The following COL4A3 variants were observed in gnomAD, a reference collection of about 807,000 sequenced individuals.
COL4A3 encodes the protein collagen alpha-3(IV) chain.
COL4A3 carries 135 observed loss-of-function variants against 217.4 expected under a neutral mutation model. That is an observed-to-expected ratio of 0.62 (90% CI 0.54 to 0.72). COL4A3 has a LOEUF of 0.72. Ranked by LOEUF, COL4A3 falls within the 30% of genes least tolerant of loss-of-function variation. The pLI is 0.00. For missense variants in COL4A3, 1,868 were observed against 2,119.9 expected (o/e 0.88, Z 2.33); for synonymous variants, 690 against 736.3 (o/e 0.94, Z 1.02).
intron 43 of COL4A3, among the ~76,000 whole-genome samples, chr2:227,300,753 G>C (rs1305518896): frequency 6.6e-6 from 1 of 152,208 alleles, no homozygotes; most frequent in Non-Finnish European, 1.5e-5. Context: ...GCAGGGGGCT[G>C]TGGGGACACA....
intron 1 of COL4A3, among the ~76,000 whole-genome samples, chr2:227,202,157 G>T (rs72975975): frequency 6.6e-6 from 1 of 152,070 alleles, no homozygotes; most frequent in Non-Finnish European, 1.5e-5. Context: ...TTGATGTTTT[G>T]AATGTGTTGT....
chr2:227,237,761 C>T, intron 1 of COL4A3: 1 of 493,224 alleles, frequency 2.0e-6, no homozygotes, highest in Non-Finnish European at 3.8e-6. Flanking sequence ...CGACATTTCT[C>T]CCTTATGCAA....
chr2:227,310,743 G>C, intron 50 of COL4A3, 33 bp from the exon 51 acceptor site: 1 of 1,600,232 alleles, frequency 6.2e-7, no homozygotes, highest in Non-Finnish European at 8.6e-7. Context: ...CCAATGGACA[G>C]AGTGTTTATT....
At chr2:227,256,300 C>T in intron 16 of COL4A3, 43 bp from the exon 17 acceptor site, 4 of 1,580,366 alleles carry the variant, frequency 2.5e-6, no homozygotes, top group African/African-American at 1.3e-5. Context: ...AAGAAGTTGG[C>T]TCCTGTGTCT....
chr2:227,192,826 T>C (rs950722636), intron 1 of COL4A3, among the ~76,000 whole-genome samples: 1 of 152,206 alleles, frequency 6.6e-6, no homozygotes, highest in African/African-American at 2.4e-5. Flanking sequence ...TCAAACTTTC[T>C]ATAGTGAAGA....
intron 9 of COL4A3, among the ~76,000 whole-genome samples, 164 bp downstream of exon 9, chr2:227,248,684 T>A (rs1176408517): frequency 6.6e-6 from 1 of 152,184 alleles, no homozygotes; most frequent in East Asian, 1.9e-4. Flanking sequence ...ATGTCTGGCC[T>A]CATTTCATTC....
At chr2:227,295,396 A>G in intron 41 of COL4A3, 80 bp downstream of exon 41, 1 of 1,212,646 alleles carries the variant, frequency 8.2e-7, no homozygotes, top group Non-Finnish European at 1.2e-6. Context: ...AATATAAAGT[A>G]AGCTTAACCT....
In COL4A3 at chr2:227,211,040, G is replaced by A. The variant is rs553206757; in HGVS notation, c.88-26928G>A. The stretch of plus-strand genomic sequence containing the variant: ...GTTTGAGACAGAGTCTCACTCTGTC[G>A]CCCAGGCTGGAGTGCAGTGGTGCAA... On this transcript the variant is annotated intron_variant, in intron 1 of 51. Coordinates refer to ENST00000396578, the MANE Select transcript of COL4A3 (RefSeq NM_000091.5). Among the ~76,000 whole-genome samples the A allele has an allele frequency of 5.5e-4, 79 of 143,170 alleles. 1 individual carries two copies. Among genetic ancestry groups the A allele is most frequent in the African/African-American group, 1.7e-3 (67 of 38,518 alleles). The allele number at this position is 143,170 out of a possible 152,430, so 93.9% of individuals were successfully genotyped here.
intron 1 of COL4A3, among the ~76,000 whole-genome samples, chr2:227,217,647 G>A (rs959659129): frequency 1.2e-4 from 18 of 152,124 alleles, no homozygotes; most frequent in Middle Eastern, 3.2e-3. Context: ...CAGGGAAGCC[G>A]TAAATTGCAA....
chr2:227,284,005 C>T, intron 33 of COL4A3, 149 bp downstream of exon 33: 1 of 968,418 alleles, frequency 1.0e-6, no homozygotes, highest in East Asian at 2.5e-5. Flanking sequence ...TTCCTTTTCT[C>T]CATTTGAATG....
chr2:227,234,392 A>G (rs1398622726), intron 1 of COL4A3, among the ~76,000 whole-genome samples: 2 of 152,262 alleles, frequency 1.3e-5, no homozygotes, highest in African/African-American at 4.8e-5. Flanking sequence ...CGTGTGTTAA[A>G]ATAGCCAAAG....
chr2:227,276,964 C>T (rs188681922), intron 27 of COL4A3, among the ~76,000 whole-genome samples: 51 of 152,132 alleles, frequency 3.4e-4, no homozygotes, highest in Admixed American at 8.5e-4. Context: ...CTTTGCAGTT[C>T]CTAAAGATTA....
intron 3 of COL4A3, among the ~76,000 whole-genome samples, chr2:227,243,016 A>G (rs894771746): frequency 1.3e-5 from 2 of 152,158 alleles, no homozygotes; most frequent in Admixed American, 1.3e-4. Context: ...TTCCATTTCT[A>G]TTGGTAGAAC....
chr2:227,244,345 C>T lies in COL4A3; in HGVS notation c.260C>T (p.Thr87Met), dbSNP rs377136253. 45 of 1,613,882 alleles carry T rather than the reference C, an allele frequency of 2.8e-5. No individual in the cohort carries two copies. Among genetic ancestry groups the T allele is most frequent in the African/African-American group, 1.1e-4 (8 of 75,004 alleles). ...GGCTTTCCAGGACTTCCAGGACTCA[C>T]GGGTTCCAAAGGTGTAAGGGTTAGT... ...PKGFPGLPGL[T>M]GSKGVRGISG... Residue 87 changes from threonine to methionine, a missense_variant, in exon 4 of 52, where the codon ACG becomes ATG. Physicochemically the swap from Thr to Met is moderately conservative, Grantham distance 81 (BLOSUM62 -1). This residue lies in a region of COL4A3 where 365 missense variants were observed against 333.8 expected (regional missense o/e 1.09). Coordinates refer to ENST00000396578, the MANE Select transcript of COL4A3 (RefSeq NM_000091.5).
intron 3 of COL4A3, 66 bp downstream of exon 3, chr2:227,240,298 C>T: frequency 7.0e-7 from 1 of 1,430,998 alleles, no homozygotes; most frequent in Non-Finnish European, 9.7e-7. Flanking sequence ...TACCCCCTGG[C>T]TGCTGCAAAC....
rs943345130 is a variant in COL4A3 at position 227,247,600 on chromosome 2, A to G, written c.468+16A>G. On this transcript the variant is annotated intron_variant, in intron 8 of 51. Transcript: ENST00000396578. ...AGGACAAAAGGTAAGTCATTGGTGG[A>G]ATGCTGTCACTGAAAATCTCTAACT... The G allele has an allele frequency of 2.5e-6, 4 of 1,613,718 alleles. No individual in the cohort carries two copies. Among genetic ancestry groups the G allele is most frequent in the Admixed American group, 1.7e-5 (1 of 59,998 alleles).
chr2:227,251,259 T>C (rs2069724089), intron 10 of COL4A3, 57 bp downstream of exon 10: 1 of 1,582,586 alleles, frequency 6.3e-7, no homozygotes, highest in African/African-American at 1.4e-5. Context: ...TCATTATTTA[T>C]TATTAAAAAG....
At chr2:227,173,892 C>A (rs572005457) in intron 1 of COL4A3, among the ~76,000 whole-genome samples, 1 of 152,148 alleles carries the variant, frequency 6.6e-6, no homozygotes, top group African/African-American at 2.4e-5. Context: ...CATTTTCAAG[C>A]ATCTATAGCC....
intron 36 of COL4A3, among the ~76,000 whole-genome samples, chr2:227,290,511 A>G (rs1404141558): frequency 6.6e-6 from 1 of 152,126 alleles, no homozygotes; most frequent in Non-Finnish European, 1.5e-5. Flanking sequence ...AAAAAAACCA[A>G]CAACAACAAA....
Sources: allele counts gnomAD v4.1 joint callset (sites outside exome capture counted in the v4.1 genomes callset), GRCh38; gene constraint gnomAD v4.1.1; regional missense constraint gnomAD v4.1.1; transcripts MANE v1.5; gene names NCBI Gene and HGNC (gene_info 2026-07-23, HGNC 2026-07-21).